Variants in MDM1 observed in about 807,000 individuals in gnomAD.
MDM1 encodes Mdm1 nuclear protein.
MDM1 carries 61 observed loss-of-function variants against 89.1 expected under a neutral mutation model. The ratio of observed to expected loss-of-function variants is 0.68; its 90% CI spans 0.56 to 0.85. MDM1 has a LOEUF of 0.85. Ranked by LOEUF, MDM1 falls within the 40% of genes least tolerant of loss-of-function variation. MDM1 has a pLI of 0.00. For missense variants in MDM1, 820 were observed against 846.5 expected, an observed-to-expected ratio of 0.97 and a Z score of 0.39; for synonymous variants, 290 against 294.1, an observed-to-expected ratio of 0.99 and a Z score of 0.14.
At chr12:68,319,461 T>C (rs1381457217) in intron 7 of MDM1, among the ~76,000 whole-genome samples, 1 of 152,208 alleles carries the variant, frequency 6.6e-6, no homozygotes, top group Non-Finnish European at 1.5e-5. Flanking sequence ...TGAGTGCATG[T>C]GAGGAGTGTG....
rs1306648084 is a variant in MDM1 at position 68,323,137 on chromosome 12, T to G, written c.737A>C (p.Glu246Ala). The change falls in exon 5 of 15, where the codon GAA (glutamate) becomes GCA (alanine). Residue 246 changes from glutamate to alanine, a missense_variant. Physicochemically the swap from Glu to Ala is moderately radical, Grantham distance 107 (BLOSUM62 -1). Transcript: ENST00000682720. ...TCTCAAATCATTTCTTAATTTTGGTTCTTTCACTGGAGATAAACCCTTGAA... is the reference window on the plus strand; with the variant it reads ...TCTCAAATCATTTCTTAATTTTGGTGCTTTCACTGGAGATAAACCCTTGAA... ...RNFKGLSPVK[E>A]PKLRNDLREN... 1 of 1,610,760 alleles carries G rather than the reference T, an allele frequency of 6.2e-7. No homozygotes were observed. Among genetic ancestry groups the G allele is most frequent in the South Asian group, 1.1e-5 (1 of 90,186 alleles).
intron 2 of MDM1, among the ~76,000 whole-genome samples, chr12:68,329,745 A>G (rs1236184250): frequency 6.6e-6 from 1 of 152,214 alleles, no homozygotes; most frequent in Non-Finnish European, 1.5e-5. Context: ...ATATACTAGT[A>G]AGGAAGAATT....
At position 68,326,772 on chromosome 12, in the gene MDM1, G is replaced by C. The variant is rs142155064; in HGVS notation, c.383C>G (p.Ala128Gly). The change falls in exon 3 of 15, where the codon GCT becomes GGT. Residue 128 changes from alanine (A) to glycine (G), a missense_variant. Coordinates refer to ENST00000682720, the MANE Select transcript of MDM1 (RefSeq NM_001354969.2). ...ATTTTCCACATCTGAAGCCCCTTCA[G>C]CTCTGGAGTCTGCAGAGTGAGATCT... is the stretch of plus-strand genomic sequence containing the variant. ...RTRSHSADSR[A>G]EGASDVENNE... 5 of 1,613,978 alleles carry C rather than the reference G, an allele frequency of 3.1e-6. No individual in the cohort carries two copies. The African/African-American group carries it at 6.7e-5, about 22-fold the overall frequency.
intron 7 of MDM1, among the ~76,000 whole-genome samples, chr12:68,318,025 G>A (rs1874723817): frequency 1.3e-5 from 2 of 152,108 alleles, no homozygotes; most frequent in South Asian, 4.2e-4. Flanking sequence ...TTGAGGTGAG[G>A]GAAAACGCAG....
At chr12:68,322,431 G>A (rs560061688) in intron 5 of MDM1, among the ~76,000 whole-genome samples, 1 of 152,228 alleles carries the variant, frequency 6.6e-6, no homozygotes, top group Non-Finnish European at 1.5e-5. Context: ...CTAGTAGTTC[G>A]AGACCAGCCT....
At chr12:68,324,228 G>A (rs1875638556) in intron 4 of MDM1, among the ~76,000 whole-genome samples, 1 of 152,040 alleles carries the variant, frequency 6.6e-6, no homozygotes. Context: ...ACATGTAAAA[G>A]CCCTATTTGA....
intron 2 of MDM1, among the ~76,000 whole-genome samples, chr12:68,328,736 G>T (rs1302740335): frequency 2.6e-5 from 4 of 152,140 alleles, no homozygotes; most frequent in Non-Finnish European, 5.9e-5. Context: ...TTCTCAAGTG[G>T]TCTGCCGCTG....
chr12:68,320,732 T>C (rs567031943), intron 7 of MDM1, among the ~76,000 whole-genome samples: 1 of 152,244 alleles, frequency 6.6e-6, no homozygotes, highest in South Asian at 2.1e-4. Context: ...CAAGATATGA[T>C]TTGAAAGATG....
At chr12:68,321,282 G>A in intron 7 of MDM1, 65 bp downstream of exon 7, 2 of 1,252,992 alleles carry the variant, frequency 1.6e-6, no homozygotes, top group South Asian at 1.4e-5. Flanking sequence ...GGAACTCGTT[G>A]TGAAATTAAA....
At chr12:68,320,067 G>A (rs914349363) in intron 7 of MDM1, among the ~76,000 whole-genome samples, 3 of 152,138 alleles carry the variant, frequency 2.0e-5, no homozygotes, top group Non-Finnish European at 4.4e-5. Flanking sequence ...CTAGTGTCAC[G>A]CCTAAACACA....
chr12:68,313,464 A>C lies in MDM1; in HGVS notation c.1728T>G (p.Thr576=). The change falls in exon 12 of 15, where the codon ACT becomes ACG. Residue 576 remains threonine (T), a synonymous_variant. Transcript: ENST00000682720. ...KRMTSQDCLE[T]SKNDFTKKES... is the part of the protein sequence containing the mutation. ...TTACCTTAGTAAAATCATTCTTTGA[A>C]GTTTCTAAACAATCCTGAGAGGTCA... The C allele has an allele frequency of 6.2e-7, 1 of 1,613,228 alleles. No individual in the cohort carries two copies. The highest frequency in any genetic ancestry group is 8.5e-7 in the Non-Finnish European group (1 of 1,179,292).
At position 68,332,247 on chromosome 12, in the gene MDM1, T is replaced by A. The variant is rs755906827; in HGVS notation, c.-2A>T. 4 of 1,583,136 alleles carry A rather than the reference T, an allele frequency of 2.5e-6. No homozygotes were observed. The East Asian group carries it at 7.0e-5, about 28-fold the overall frequency. On this transcript the variant is annotated 5_prime_UTR_variant, in exon 1 of 15. Transcript: ENST00000682720. ...CCTCACCTTGAAGCGCACCGGCATG[T>A]CGCCCGGCGCCGGAGCCCCCGCTAC...
chr12:68,316,047 C>CT (rs761399234), intron 9 of MDM1, 31 bp downstream of exon 9: 19 of 1,568,772 alleles, frequency 1.2e-5, no homozygotes, highest in Non-Finnish European at 1.6e-5. Context: ...CTTCAACAAA[C>CT]TTTTTTTGCC....
At chr12:68,326,367 C>G in intron 3 of MDM1, 1 of 1,418,244 alleles carries the variant, frequency 7.1e-7, no homozygotes, top group Non-Finnish European at 9.2e-7. Flanking sequence ...TCAACTTGAT[C>G]TCTCCCTTAG....
chr12:68,311,047 C>T (rs1873607193), intron 12 of MDM1, among the ~76,000 whole-genome samples: 1 of 152,202 alleles, frequency 6.6e-6, no homozygotes, highest in Non-Finnish European at 1.5e-5. Flanking sequence ...ATCACCTCTG[C>T]ACTCTTCTCA....
intron 13 of MDM1, among the ~76,000 whole-genome samples, chr12:68,299,404 T>C (rs1045543405): frequency 6.6e-6 from 1 of 151,528 alleles, no homozygotes; most frequent in Non-Finnish European, 1.5e-5. Context: ...AAATTCAGGA[T>C]ATGAATGAAA....
intron 1 of MDM1, among the ~76,000 whole-genome samples, chr12:68,331,804 C>T (rs1388054244): frequency 6.6e-6 from 1 of 152,182 alleles, no homozygotes; most frequent in Admixed American, 6.5e-5. Flanking sequence ...TTTCTTTATA[C>T]GCTGTCTTTA....
intron 12 of MDM1, 121 bp from the exon 13 acceptor site, chr12:68,302,993 T>A: frequency 2.7e-4 from 109 of 408,516 alleles, no homozygotes; most frequent in Middle Eastern, 7.5e-4. Flanking sequence ...TGAGAGAATT[T>A]ATGCAACATC....
intron 3 of MDM1, chr12:68,325,882 A>C: frequency 2.0e-6 from 2 of 1,019,270 alleles, no homozygotes. Flanking sequence ...CTATTACCAA[A>C]AAGTCCCAGC....
Sources: gnomAD v4.1 joint callset for allele counts (sites outside exome capture counted in the v4.1 genomes callset) on GRCh38, gnomAD v4.1.1 for gene constraint, MANE v1.5 for transcripts, NCBI Gene and HGNC (gene_info 2026-07-23, HGNC 2026-07-21) for gene names.